Variants in TMEM74 observed in about 807,000 individuals in gnomAD.
The protein encoded by TMEM74 is transmembrane protein 74.
In TMEM74, 13 loss-of-function variants were observed where a neutral mutation model predicts 18.1. That is an observed-to-expected ratio of 0.72 (90% CI 0.47 to 1.14). The LOEUF is 1.14. TMEM74 is among the 50% of genes most tolerant of loss of function. The pLI is 0.00. For synonymous variants in TMEM74, 159 were observed against 146.6 expected (o/e 1.08, Z -0.61); for missense variants, 372 against 375.9 (o/e 0.99, Z 0.09).
intron 1 of TMEM74, among the ~76,000 whole-genome samples, chr8:108,752,509 G>A (rs1047275921): frequency 7.9e-5 from 12 of 152,262 alleles, no homozygotes; most frequent in Admixed American, 5.2e-4. Flanking sequence ...ACTGCAGCAA[G>A]TATGCTTCAC....
Position 108,677,899 on chromosome 8 carries a change from C to A in TMEM74, n.120-22462G>T, listed in dbSNP as rs532500931. ...ATTCTTGTAGATGAGCTGTGACCAG[C>A]AAGCGTGACCCAAGTTTTGACAATT... is the stretch of plus-strand genomic sequence containing the variant. On this transcript the variant is annotated intron_variant and non_coding_transcript_variant, in intron 1 of 3. Transcript: ENST00000518838. Among the ~76,000 whole-genome samples, 5 of 152,256 alleles carry A rather than the reference C, an allele frequency of 3.3e-5. No individual in the cohort carries two copies. The East Asian group carries it at 7.7e-4, about 23-fold the overall frequency.
At chr8:108,756,592 GAAA>G (rs1563543558) in intron 1 of TMEM74, among the ~76,000 whole-genome samples, 29 of 92,174 alleles carry the variant, frequency 3.1e-4, no homozygotes, top group African/African-American at 1.1e-3. Context: ...AAGAAAGAAA[GAAA>G]GAGAAAGGAA....
rs575681297 is a variant in TMEM74 at position 108,745,473 on chromosome 8, A to G, written n.119+42003T>C. On this transcript the variant is annotated intron_variant and non_coding_transcript_variant, in intron 1 of 3. Transcript: ENST00000518838. The stretch of plus-strand genomic sequence containing the variant: ...CTTGATTTTTCCCCTAAGCATTTAC[A>G]TATGTAAAAGTCATTTTTAGCTCCT... 3.0e-3 allele frequency among the ~76,000 whole-genome samples: 459 copies of G among 152,274 alleles called. 5 individuals are homozygous for G. Among genetic ancestry groups the G allele is most frequent in the African/African-American group, 0.011 (441 of 41,534 alleles).
intron 2 of TMEM74, among the ~76,000 whole-genome samples, chr8:108,638,111 G>A (rs1374169575): frequency 6.6e-6 from 1 of 152,158 alleles, no homozygotes; most frequent in Admixed American, 6.6e-5. Flanking sequence ...AAGTAGAACT[G>A]TGGGAAGGGC....
At chr8:108,636,537 A>G (rs1812607915) in intron 2 of TMEM74, among the ~76,000 whole-genome samples, 1 of 152,022 alleles carries the variant, frequency 6.6e-6, no homozygotes, top group Non-Finnish European at 1.5e-5. Context: ...CTTGGGAATG[A>G]CTTTCCCTGA....
At chr8:108,665,279 C>G (rs960314613) in intron 1 of TMEM74, among the ~76,000 whole-genome samples, 3 of 152,044 alleles carry the variant, frequency 2.0e-5, no homozygotes, top group African/African-American at 7.2e-5. Flanking sequence ...GTCCAGCAGT[C>G]TGGGATGGGT....
At chr8:108,720,064 C>T (rs1302665864) in intron 1 of TMEM74, among the ~76,000 whole-genome samples, 3 of 152,094 alleles carry the variant, frequency 2.0e-5, no homozygotes, top group South Asian at 2.1e-4. Context: ...CTCTTTGGAA[C>T]TTTAGCTAAT....
At position 108,779,890 on chromosome 8, in the gene TMEM74, T is replaced by G. The variant is rs1814282082; in HGVS notation, c.*4291A>C. ...CTTGCTTTTTACAGTGTCAATTCAC[T>G]AGGCAGGCAAATTATTTCCCAAGAC... On this transcript the variant is annotated 3_prime_UTR_variant, in exon 2 of 2. Transcript: ENST00000297459. Among the ~76,000 whole-genome samples the G allele has an allele frequency of 6.6e-6, 1 of 152,184 alleles. No individual in the cohort carries two copies. The highest frequency in any genetic ancestry group is 1.5e-5 in the Non-Finnish European group (1 of 68,012).
chr8:108,766,115 A>G (rs1226969138), intron 1 of TMEM74, among the ~76,000 whole-genome samples: 1 of 152,168 alleles, frequency 6.6e-6, no homozygotes, highest in Non-Finnish European at 1.5e-5. Context: ...GGATTTTAAA[A>G]GAGATCATAT....
chr8:108,763,393 C>T (rs140414817), intron 1 of TMEM74, among the ~76,000 whole-genome samples: 104 of 152,186 alleles, frequency 6.8e-4, no homozygotes, highest in African/African-American at 2.4e-3. Context: ...GCCATATAAA[C>T]ACAAACCTAG....
intron 2 of TMEM74, among the ~76,000 whole-genome samples, chr8:108,624,216 A>G (rs1251843451): frequency 1.3e-5 from 2 of 152,092 alleles, no homozygotes; most frequent in Non-Finnish European, 2.9e-5. Flanking sequence ...TAAGGGAACA[A>G]CATCATAATC....
chr8:108,784,979 G>A lies in TMEM74; in HGVS notation c.120C>T (p.Leu40=), dbSNP rs747455033. 1.2e-6 allele frequency: 2 copies of A among 1,614,142 alleles called. No homozygotes were observed. Among genetic ancestry groups the A allele is most frequent in the Non-Finnish European group, 8.5e-7 (1 of 1,180,036 alleles). ...TGGATGCACACTGTTTCTGACAGCA[G>A]AGAGCAGCTCTTGTGGCTGCTGTAT... ...QADTAATRAA[L]CCQKQCASTP... Residue 40 remains leucine (L), a synonymous_variant, in exon 2 of 2, where the codon CTC becomes CTT. Transcript: ENST00000297459.
intron 1 of TMEM74, among the ~76,000 whole-genome samples, chr8:108,726,807 A>G (rs1813643494): frequency 6.6e-6 from 1 of 151,992 alleles, no homozygotes; most frequent in South Asian, 2.1e-4. Flanking sequence ...TGAAAAATAA[A>G]CAATTAAAAA....
At chr8:108,610,303 G>A (rs755205405) in intron 2 of TMEM74, among the ~76,000 whole-genome samples, 2 of 152,138 alleles carry the variant, frequency 1.3e-5, no homozygotes, top group Non-Finnish European at 2.9e-5. Context: ...GTGCCAGTTT[G>A]TGTAAATGCT....
At chr8:108,735,301 T>C (rs1479524667) in intron 1 of TMEM74, among the ~76,000 whole-genome samples, 1 of 152,202 alleles carries the variant, frequency 6.6e-6, no homozygotes, top group African/African-American at 2.4e-5. Context: ...CACAACCATT[T>C]TGGAGAATTT....
At position 108,739,859 on chromosome 8, in the gene TMEM74, C is replaced by T. The variant is rs1813782248; in HGVS notation, n.119+47617G>A. ...CACCAGGTCATGGGGGCAACGAAGT[C>T]CGGCGGAGTCAAAGGATTGAGAAAA... On this transcript the variant is annotated intron_variant and non_coding_transcript_variant, in intron 1 of 3. Transcript: ENST00000518838. Among the ~76,000 whole-genome samples, 3 of 151,970 alleles carry T rather than the reference C, an allele frequency of 2.0e-5. No individual in the cohort carries two copies. In the South Asian group the frequency reaches 6.2e-4, roughly 32 times the overall value.
At chr8:108,627,909 G>A (rs1812510386) in intron 2 of TMEM74, among the ~76,000 whole-genome samples, 1 of 151,984 alleles carries the variant, frequency 6.6e-6, no homozygotes, top group East Asian at 2.0e-4. Flanking sequence ...AAAAACATTA[G>A]CTGGGTATGG....
chr8:108,672,977 G>A (rs932245166), intron 1 of TMEM74, among the ~76,000 whole-genome samples: 1 of 152,182 alleles, frequency 6.6e-6, no homozygotes, highest in Non-Finnish European at 1.5e-5. Context: ...AACACAGATA[G>A]TTTTGACATG....
At chr8:108,747,067 A>G (rs968802689) in intron 1 of TMEM74, among the ~76,000 whole-genome samples, 1 of 152,158 alleles carries the variant, frequency 6.6e-6, no homozygotes, top group African/African-American at 2.4e-5. Context: ...ATTGATAGCC[A>G]CACAGTCAGG....
Sources: gnomAD v4.1 joint callset for allele counts (sites outside exome capture counted in the v4.1 genomes callset) on GRCh38, gnomAD v4.1.1 for gene constraint, MANE v1.5 for transcripts, NCBI Gene and HGNC (gene_info 2026-07-23, HGNC 2026-07-21) for gene names.